The following ZC3H6 variants were observed in gnomAD, a reference collection of about 807,000 sequenced individuals.
The protein encoded by ZC3H6 is zinc finger CCCH domain-containing protein 6.
A neutral mutation model predicts 107.7 loss-of-function variants in ZC3H6; 40 were observed. The observed-to-expected ratio is 0.37, with a 90% CI of 0.29 to 0.48. The LOEUF (loss-of-function observed/expected upper bound fraction) is 0.48, where lower values mean the gene tolerates loss of function less well. Ranked by LOEUF, ZC3H6 falls within the 20% of genes least tolerant of loss-of-function variation. ZC3H6 has a pLI of 0.98. For synonymous variants in ZC3H6, 493 were observed against 487.9 expected, an observed-to-expected ratio of 1.01 and a Z score of -0.14; for missense variants, 1,267 against 1,410.4, an observed-to-expected ratio of 0.90 and a Z score of 1.63.
intron 5 of ZC3H6, among the ~76,000 whole-genome samples, chr2:112,314,666 GTTTAT>G (rs1281342313): frequency 1.3e-5 from 2 of 151,966 alleles, no homozygotes; most frequent in African/African-American, 2.4e-5. Flanking sequence ...TTCTTTGGCT[GTTTAT>G]TTTATTTTAT....
chr2:112,290,597 A>G (rs941742703), intron 1 of ZC3H6, among the ~76,000 whole-genome samples: 10 of 151,470 alleles, frequency 6.6e-5, no homozygotes, highest in African/African-American at 4.9e-5. Context: ...TTTGTTTGCC[A>G]TTGTATCCCC....
intron 5 of ZC3H6, among the ~76,000 whole-genome samples, chr2:112,314,987 A>G (rs1035466662): frequency 3.0e-4 from 45 of 152,238 alleles, no homozygotes; most frequent in South Asian, 4.1e-4. Context: ...TCAGATTTCA[A>G]TTTAGACATC....
In ZC3H6 at chr2:112,318,590, G is replaced by A. The variant is rs538282455; in HGVS notation, c.976+1258G>A. Among the ~76,000 whole-genome samples the A allele has an allele frequency of 3.3e-5, 5 of 152,286 alleles. No homozygotes were observed. The East Asian group carries it at 9.6e-4, about 29-fold the overall frequency. On this transcript the variant is annotated intron_variant, in intron 7 of 11. Coordinates refer to ENST00000409871, the MANE Select transcript of ZC3H6 (RefSeq NM_198581.3). Reference sequence around the variant, plus strand: ...CTACACTGAGATAACATTTGCAGCTGTGTCACGTTTGCAAAAATAAAAAAA... The same window carrying A: ...CTACACTGAGATAACATTTGCAGCTATGTCACGTTTGCAAAAATAAAAAAA...
rs773095647 is a variant in ZC3H6 at position 112,337,461 on chromosome 2, T to TA, written c.*4974dup. 2.6e-5 allele frequency: 4 copies of TA among 152,204 alleles called. No individual in the cohort carries two copies. The highest frequency in any genetic ancestry group is 4.4e-5 in the Non-Finnish European group (3 of 68,148). 9.4% of individuals were successfully genotyped at this position (152,204 alleles called of 1,614,324 possible). A position where few individuals can be genotyped will look rare whatever the true frequency, so the allele number is the denominator to read the frequency against. On this transcript the variant is annotated 3_prime_UTR_variant, in exon 12 of 12. Transcript: ENST00000409871. ...CCTCAGACTCCCAAGTAGCTGGGCT[T>TA]ACAGGCACGTGCCACCACACCCAGC...
rs1214069006 is a variant in ZC3H6, at chr2:112,333,769, A to G, written c.*1281A>G. On this transcript the variant is annotated 3_prime_UTR_variant, in exon 12 of 12. Transcript: ENST00000409871. Reference sequence around the variant, plus strand: ...TTTGCTGGTAACAACTCCAATGTGTATTAATAACTTGAAAAGGAGCATTTC... The same window carrying G: ...TTTGCTGGTAACAACTCCAATGTGTGTTAATAACTTGAAAAGGAGCATTTC... 6.6e-6 allele frequency: 1 copy of G among 152,136 alleles called. No individual in the cohort carries two copies. The highest frequency in any genetic ancestry group is 6.5e-5 in the Admixed American group (1 of 15,278). 9.4% of individuals were successfully genotyped at this position (152,136 alleles called of 1,614,324 possible).
chr2:112,312,633 C>T (rs1036689911), intron 5 of ZC3H6, among the ~76,000 whole-genome samples: 2 of 152,056 alleles, frequency 1.3e-5, no homozygotes, highest in East Asian at 1.9e-4. Context: ...GAGGCCAAGT[C>T]GGACAGATCC....
intron 3 of ZC3H6, among the ~76,000 whole-genome samples, chr2:112,307,114 A>C (rs1409307636): frequency 6.6e-6 from 1 of 152,212 alleles, no homozygotes; most frequent in African/African-American, 2.4e-5. Context: ...GAGAAAGTTC[A>C]GTACCATTTC....
At position 112,304,679 on chromosome 2, in the gene ZC3H6, TATG is replaced by T. The variant is rs765469397; in HGVS notation, c.336+1332_336+1334del. ...ATACAGTATTTTGTGCTAGGCAAGTTATGATGCTTCTCAGAGTCACTAGGAAGT... is the reference window on the plus strand; with the variant it reads ...ATACAGTATTTTGTGCTAGGCAAGTTATGCTTCTCAGAGTCACTAGGAAGT... On this transcript the variant is annotated intron_variant, in intron 3 of 11. Transcript: ENST00000409871. Among the ~76,000 whole-genome samples, 4 of 152,344 alleles carry T rather than the reference TATG, an allele frequency of 2.6e-5. No homozygotes were observed. The East Asian group carries it at 5.8e-4, about 22-fold the overall frequency.
intron 11 of ZC3H6, among the ~76,000 whole-genome samples, chr2:112,327,999 C>T (rs1030566369): frequency 2.0e-5 from 3 of 152,156 alleles, no homozygotes; most frequent in Non-Finnish European, 4.4e-5. Context: ...ATGCCATTCT[C>T]CTGCCTCAGC....
chr2:112,322,091 T>C (rs1676811954), intron 8 of ZC3H6, among the ~76,000 whole-genome samples: 1 of 150,488 alleles, frequency 6.6e-6, no homozygotes, highest in African/African-American at 2.4e-5. Flanking sequence ...TTTCTTTCTC[T>C]CCCCCTTCCC....
At chr2:112,284,504 A>G (rs1558945059) in intron 1 of ZC3H6, among the ~76,000 whole-genome samples, 1 of 151,394 alleles carries the variant, frequency 6.6e-6, no homozygotes, top group Non-Finnish European at 1.5e-5. Context: ...TCTCAGAAAT[A>G]TTAGTAATCT....
At chr2:112,303,675 A>T (rs1283758897) in intron 3 of ZC3H6, among the ~76,000 whole-genome samples, 1 of 152,194 alleles carries the variant, frequency 6.6e-6, no homozygotes, top group Non-Finnish European at 1.5e-5. Flanking sequence ...TTCACTTAAC[A>T]TAATATTTTA....
At chr2:112,300,567 A>G (rs1424274168) in intron 2 of ZC3H6, among the ~76,000 whole-genome samples, 15 of 152,250 alleles carry the variant, frequency 9.9e-5, no homozygotes, top group Admixed American at 9.8e-4. Context: ...GCTTGTATAC[A>G]TGGATATTGG....
intron 11 of ZC3H6, among the ~76,000 whole-genome samples, chr2:112,329,023 A>G (rs568292873): frequency 6.6e-6 from 1 of 152,192 alleles, no homozygotes; most frequent in African/African-American, 2.4e-5. Context: ...TTTAGATAAT[A>G]GAAAATTTTA....
chr2:112,314,565 T>G (rs535653857), intron 5 of ZC3H6, among the ~76,000 whole-genome samples: 130 of 151,166 alleles, frequency 8.6e-4, no homozygotes, highest in African/African-American at 2.7e-3. Context: ...TTTTTCAGGG[T>G]GTGTGTGTGT....
rs760762354 is a variant in ZC3H6 at position 112,331,549 on chromosome 2, C to T, written c.2631C>T (p.Ile877=). The change falls in exon 12 of 12, where the codon ATC becomes ATT. Residue 877 remains isoleucine (I), a synonymous_variant. Transcript: ENST00000409871. The part of the protein sequence containing the change: ...TLTKPNFAKH[I]VWAPEDLLPV... ...CCAAACCCAACTTTGCAAAACACAT[C>T]GTGTGGGCTCCCGAAGACTTACTTC... 18 of 1,613,812 alleles carry T rather than the reference C, an allele frequency of 1.1e-5. No homozygotes were observed. In the South Asian group the frequency reaches 1.6e-4, roughly 15 times the overall value.
intron 1 of ZC3H6, among the ~76,000 whole-genome samples, chr2:112,279,373 T>G (rs1686486215): frequency 6.6e-6 from 1 of 152,242 alleles, no homozygotes; most frequent in Admixed American, 6.5e-5. Context: ...CCCAAGTAAT[T>G]GTTACAGAAT....
At position 112,334,063 on chromosome 2, in the gene ZC3H6, A is replaced by G. The variant is rs1020186429; in HGVS notation, c.*1575A>G. On this transcript the variant is annotated 3_prime_UTR_variant, in exon 12 of 12. Coordinates refer to ENST00000409871, the MANE Select transcript of ZC3H6 (RefSeq NM_198581.3). ...TTGTGTTCTAAGTGGAAGGAGAGTTACTGAAGGGAATGTGAATTTTTACCG... is the reference window on the plus strand; with the variant it reads ...TTGTGTTCTAAGTGGAAGGAGAGTTGCTGAAGGGAATGTGAATTTTTACCG... 6.6e-6 allele frequency: 1 copy of G among 152,166 alleles called. No individual in the cohort carries two copies. The highest frequency in any genetic ancestry group is 1.5e-5 in the Non-Finnish European group (1 of 67,992). The allele number at this position is 152,166 out of a possible 1,614,324, so 9.4% of individuals were successfully genotyped here.
rs1677114158 is a variant in ZC3H6 at position 112,334,920 on chromosome 2, A to G, written c.*2432A>G. 2 of 152,612 alleles carry G rather than the reference A, an allele frequency of 1.3e-5. No individual in the cohort carries two copies. The highest frequency in any genetic ancestry group is 1.5e-5 in the Non-Finnish European group (1 of 68,038). The allele number at this position is 152,612 out of a possible 1,614,324, so 9.5% of individuals were successfully genotyped here. ...TTACGTTCCTGTTCTTAGAAGCCAC[A>G]CATTTAGAGATAACAGAAATAACTT... is the stretch of plus-strand genomic sequence containing the variant. On this transcript the variant is annotated 3_prime_UTR_variant, in exon 12 of 12. Coordinates refer to ENST00000409871, the MANE Select transcript of ZC3H6 (RefSeq NM_198581.3).
Sources: gnomAD v4.1 joint callset for allele counts (sites outside exome capture counted in the v4.1 genomes callset) on GRCh38, gnomAD v4.1.1 for gene constraint, MANE v1.5 for transcripts, NCBI Gene and HGNC (gene_info 2026-07-23, HGNC 2026-07-21) for gene names.